Variants in AGBL5 observed in about 807,000 individuals in gnomAD.
The protein encoded by AGBL5 is cytosolic carboxypeptidase-like protein 5.
AGBL5 carries 51 observed loss-of-function variants against 88.0 expected under a neutral mutation model. The ratio of observed to expected loss-of-function variants is 0.58; its 90% CI spans 0.46 to 0.73. AGBL5 has a LOEUF of 0.73. AGBL5 is among the 30% of genes least tolerant of loss of function. AGBL5 has a pLI of 0.00. For missense variants in AGBL5, 1,031 were observed against 1,162.2 expected, an observed-to-expected ratio of 0.89 and a Z score of 1.64; for synonymous variants, 446 against 438.8, an observed-to-expected ratio of 1.02 and a Z score of -0.21.
chr2:27,055,967 G>A lies in AGBL5; in HGVS notation c.1194G>A (p.Lys398=). 2 of 1,614,256 alleles carry A rather than the reference G, an allele frequency of 1.2e-6. No homozygotes were observed. The highest frequency in any genetic ancestry group is 1.7e-6 in the Non-Finnish European group (2 of 1,180,054). Residue 398 remains lysine, a synonymous_variant, in exon 7 of 15, where the codon AAG becomes AAA. Transcript: ENST00000360131. ...AACAAACAGAGCCAGCAGAACAGAA[G>A]CTCAACAGTGTGTGGATTATGCCAC... ...AWKQTEPAEQ[K]LNSVWIMPQQ... is the part of the protein sequence containing the mutation.
chr2:27,051,215 G>A (rs987627340), upstream of AGBL5, among the ~76,000 whole-genome samples: 3 of 152,202 alleles, frequency 2.0e-5, no homozygotes, highest in African/African-American at 7.2e-5. Context: ...GCAGCAGGCG[G>A]GGGATTAGCT....
chr2:27,059,732 GTCTT>G (rs1188854141), intron 11 of AGBL5, among the ~76,000 whole-genome samples: 1 of 152,182 alleles, frequency 6.6e-6, no homozygotes, highest in Non-Finnish European at 1.5e-5. Context: ...ATGTCAGTCT[GTCTT>G]CATGGGGGCA....
chr2:27,070,488 A>G lies in AGBL5; in HGVS notation c.*225A>G. ...AGCACAAGATTTTGGGACCACAAAA[A>G]AAAGTCTATATTTTTATATTGGGGG... is the stretch of plus-strand genomic sequence containing the variant. On this transcript the variant is annotated 3_prime_UTR_variant, in exon 15 of 15. Transcript: ENST00000360131. 1 of 520,384 alleles carries G rather than the reference A, an allele frequency of 1.9e-6. No homozygotes were observed. Among genetic ancestry groups the G allele is most frequent in the Non-Finnish European group, 3.4e-6 (1 of 293,530 alleles). The allele number at this position is 520,384 out of a possible 1,614,324, so 32.2% of individuals were successfully genotyped here. A position where few individuals can be genotyped will look rare whatever the true frequency, so the allele number is the denominator to read the frequency against.
chr2:27,056,732 G>C lies in AGBL5; in HGVS notation c.1475G>C (p.Gly492Ala). 6.2e-7 allele frequency: 1 copy of C among 1,613,852 alleles called. No individual in the cohort carries two copies. The highest frequency in any genetic ancestry group is 8.5e-7 in the Non-Finnish European group (1 of 1,179,826). ...ATGTATGCCCGAGACCGTAGAGATG[G>C]CCAGTCTAAAGAGGGAAGCGGCCGT... ...KNMYARDRRD[G>A]QSKEGSGRVA... Residue 492 changes from glycine (G) to alanine (A), a missense_variant, in exon 8 of 15, where the codon GGC becomes GCC. Physicochemically the swap from Gly to Ala is moderately conservative, Grantham distance 60. Transcript: ENST00000360131.
chr2:27,053,199 A>G lies in AGBL5; in HGVS notation c.215+26A>G. 6.4e-7 allele frequency: 1 copy of G among 1,552,860 alleles called. No individual in the cohort carries two copies. The highest frequency in any genetic ancestry group is 1.2e-5 in the South Asian group (1 of 81,790). ...GTATATGGAACGAAATGGAGGGTGG[A>G]AAAAGGCTCCAAACCCATGCTTCAG... On this transcript the variant is annotated intron_variant, in intron 2 of 14. Coordinates refer to ENST00000360131, the MANE Select transcript of AGBL5 (RefSeq NM_021831.6). The surrounding 1 kb of genome is among the most constrained non-coding windows in gnomAD (Gnocchi z 4.9).
In AGBL5 at chr2:27,069,640, C is replaced by A. The variant is rs373739651; in HGVS notation, c.2423C>A (p.Thr808Lys). ...GGGATGAAAGGCTCTTCAGGCCCCA[C>A]ATCCCCTACCCCCCGGACCAGGGAG... ...RRGMKGSSGP[T>K]SPTPRTRESS... The change falls in exon 14 of 15, where the codon ACA (threonine) becomes AAA (lysine). Residue 808 changes from threonine to lysine, a missense_variant. By Grantham distance (78) the Thr-to-Lys change is moderately conservative. This residue lies in a region of AGBL5 where 491 missense variants were observed against 484.0 expected (regional missense o/e 1.01). Coordinates refer to ENST00000360131, the MANE Select transcript of AGBL5 (RefSeq NM_021831.6). The A allele has an allele frequency of 1.2e-6, 2 of 1,614,102 alleles. No individual in the cohort carries two copies. Among genetic ancestry groups the A allele is most frequent in the African/African-American group, 2.7e-5 (2 of 74,944 alleles).
chr2:27,063,140 G>C (rs1037863355), intron 11 of AGBL5, among the ~76,000 whole-genome samples: 1 of 152,206 alleles, frequency 6.6e-6, no homozygotes, highest in Non-Finnish European at 1.5e-5. Flanking sequence ...AACTAAGAGG[G>C]CTTTAAGGCT....
intron 11 of AGBL5, chr2:27,062,775 C>G (rs1407247195): frequency 6.6e-6 from 1 of 152,102 alleles, no homozygotes; most frequent in Non-Finnish European, 1.5e-5. Context: ...GAAACATTCC[C>G]AAAGTGAGAA....
At chr2:27,056,336 T>C in intron 7 of AGBL5, 198 bp downstream of exon 7, 2 of 633,816 alleles carry the variant, frequency 3.2e-6, no homozygotes, top group South Asian at 2.2e-5. Context: ...ATCATGACCT[T>C]TTATTAAGGA....
intron 6 of AGBL5, 117 bp downstream of exon 6, chr2:27,055,370 A>C: frequency 7.5e-7 from 1 of 1,333,228 alleles, no homozygotes; most frequent in Non-Finnish European, 1.0e-6. Context: ...CACCCTAATA[A>C]AGGCAAGCCC....
chr2:27,053,245 T>C lies in AGBL5; in HGVS notation c.215+72T>C. 6.5e-7 allele frequency: 1 copy of C among 1,528,620 alleles called. No individual in the cohort carries two copies. The highest frequency in any genetic ancestry group is 8.9e-7 in the Non-Finnish European group (1 of 1,129,152). The allele number at this position is 1,528,620 out of a possible 1,614,324, so 94.7% of individuals were successfully genotyped here. On this transcript the variant is annotated intron_variant, in intron 2 of 14. Transcript: ENST00000360131. This position sits in a 1 kb window ranked among gnomAD's most constrained non-coding sequence, Gnocchi z 4.9. ...TTCAGTTAGCCCTCTGACTTATCTGTTCATACCCAGCATACTCCCTGTCCA... is the reference window on the plus strand; with the variant it reads ...TTCAGTTAGCCCTCTGACTTATCTGCTCATACCCAGCATACTCCCTGTCCA...
chr2:27,068,990 C>T (rs1407696928), intron 13 of AGBL5: 1 of 1,457,972 alleles, frequency 6.9e-7, no homozygotes. Context: ...CCAACCTTAG[C>T]CTGCTAGCTT....
rs1293333883 is a variant in AGBL5, at chr2:27,058,439, G to T, written c.1711G>T (p.Glu571Ter). Reference protein sequence around the residue: ...AMAIAALDMAECNPWPRIVLS... With the variant: ...AMAIAALDMA ...GGCCATTGCAGCCCTGGACATGGCGGAATGTAATCCGTGGCCCCGAATTGT... is the reference window on the plus strand; with the variant it reads ...GGCCATTGCAGCCCTGGACATGGCGTAATGTAATCCGTGGCCCCGAATTGT... Residue 571 changes from glutamate (E) to a stop codon, truncating the protein, a stop_gained, in exon 10 of 15, where the codon GAA becomes TAA. Transcript: ENST00000360131. LOFTEE classifies it high-confidence loss of function. 1 of 1,613,778 alleles carries T rather than the reference G, an allele frequency of 6.2e-7. No individual in the cohort carries two copies. The highest frequency in any genetic ancestry group is 2.2e-5 in the East Asian group (1 of 44,892).
intron 6 of AGBL5, 47 bp downstream of exon 6, chr2:27,055,300 T>C (rs781592537): frequency 1.9e-6 from 3 of 1,588,774 alleles, no homozygotes; most frequent in East Asian, 4.5e-5. Flanking sequence ...TTTCCCCTCA[T>C]GCCCTGCATC....
Position 27,064,299 on chromosome 2 carries a change from CT to C in AGBL5, c.2090-3179del, listed in dbSNP as rs3072663. On this transcript the variant is annotated intron_variant, in intron 11 of 14. Coordinates refer to ENST00000360131, the MANE Select transcript of AGBL5 (RefSeq NM_021831.6). ...CCCCCTAACATCTGGTTGTTTTTGA[CT>C]TTTTTTTTTTTTTTTGAGACAGTCT... is the stretch of plus-strand genomic sequence containing the variant. Among the ~76,000 whole-genome samples, 914 of 138,872 alleles carry C rather than the reference CT, an allele frequency of 6.6e-3. 2 individuals are homozygous for C. Among genetic ancestry groups the C allele is most frequent in the Middle Eastern group, 0.011 (3 of 272 alleles). 91.1% of individuals were successfully genotyped at this position (138,872 alleles called of 152,430 possible). A position where few individuals can be genotyped will look rare whatever the true frequency, so the allele number is the denominator to read the frequency against.
In AGBL5 at chr2:27,053,933, G is replaced by A. The variant is rs1428283623; in HGVS notation, c.425G>A (p.Arg142His). 5.0e-6 allele frequency: 8 copies of A among 1,613,906 alleles called. No individual in the cohort carries two copies. Among genetic ancestry groups the A allele is most frequent in the Non-Finnish European group, 6.8e-6 (8 of 1,179,980 alleles). Residue 142 changes from arginine to histidine, a missense_variant, in exon 4 of 15, where the codon CGT becomes CAT. Around this residue, in one of 2 missense-constraint regions of AGBL5, gnomAD observed 540 missense variants for 678.2 expected, o/e 0.80. Coordinates refer to ENST00000360131, the MANE Select transcript of AGBL5 (RefSeq NM_021831.6). This position sits in a 1 kb window ranked among gnomAD's most constrained non-coding sequence, Gnocchi z 4.9. ...CAGTTTGTGTTATCCTTTGTTCATC[G>A]TTTCGTGGAGGGCCGTGGGGCCACC... The part of the protein sequence containing the change: ...ETQFVLSFVH[R>H]FVEGRGATTF...
At chr2:27,067,361 G>T in intron 11 of AGBL5, 133 bp from the exon 12 acceptor site, 1 of 783,006 alleles carries the variant, frequency 1.3e-6, no homozygotes, top group Admixed American at 2.5e-5. Flanking sequence ...GTTACTTCAG[G>T]AGAGGGATGT....
At chr2:27,060,212 G>A (rs998576420) in intron 11 of AGBL5, among the ~76,000 whole-genome samples, 2 of 152,198 alleles carry the variant, frequency 1.3e-5, no homozygotes, top group African/African-American at 4.8e-5. Flanking sequence ...TGGAACAACT[G>A]CAGACAATTT....
Position 27,059,265 on chromosome 2 carries a change from TAGC to T in AGBL5, c.1960_1962del (p.Ser654del), listed in dbSNP as rs762963806. The T allele has an allele frequency of 8.7e-6, 14 of 1,614,188 alleles. No homozygotes were observed. In the East Asian group the frequency reaches 2.5e-4, roughly 28 times the overall value. ...TTAGCACCGGCACAAGTGCCGGTGG[TAGC>T]AGCAGCAGCCAACAAAATTCTCCAC... On this transcript the variant is annotated inframe_deletion, in exon 11 of 15. Coordinates refer to ENST00000360131, the MANE Select transcript of AGBL5 (RefSeq NM_021831.6).
Sources: gnomAD v4.1 joint callset for allele counts (sites outside exome capture counted in the v4.1 genomes callset) on GRCh38, gnomAD v4.1.1 for gene constraint, gnomAD v4.1.1 regional missense constraint, Gnocchi (gnomAD v3.1) non-coding constraint, MANE v1.5 for transcripts, NCBI Gene and HGNC (gene_info 2026-07-23, HGNC 2026-07-21) for gene names.